STXBP4: variants seen among roughly 807,000 people sequenced by gnomAD.
STXBP4 encodes syntaxin-binding protein 4.
In STXBP4, 55 loss-of-function variants were observed where a neutral mutation model predicts 76.1. The observed-to-expected ratio is 0.72, with a 90% confidence interval of 0.58 to 0.91. STXBP4 has a LOEUF of 0.91. Ranked by LOEUF, STXBP4 falls within the 40% of genes least tolerant of loss-of-function variation. The pLI, the probability that STXBP4 is intolerant of heterozygous loss-of-function variation, is 0.00. For missense variants in STXBP4, 618 were observed against 636.9 expected (o/e 0.97, Z 0.32); for synonymous variants, 201 against 220.2 (o/e 0.91, Z 0.77).
rs926169070 is a variant in STXBP4, at chr17:55,160,707, C to G, written c.*796C>G. 6.6e-6 allele frequency: 1 copy of G among 152,506 alleles called. No individual in the cohort carries two copies. The highest frequency in any genetic ancestry group is 1.5e-5 in the Non-Finnish European group (1 of 68,206). 9.4% of individuals were successfully genotyped at this position (152,506 alleles called of 1,614,324 possible). A position where few individuals can be genotyped will look rare whatever the true frequency, so the allele number is the denominator to read the frequency against. ...TGTGTTGATGCAGCTGGCTCCACAG[C>G]TGTGCATTCCACAGAGATTCAGAAG... is the stretch of plus-strand genomic sequence containing the variant. On this transcript the variant is annotated 3_prime_UTR_variant, in exon 18 of 18. Coordinates refer to ENST00000376352, the MANE Select transcript of STXBP4 (RefSeq NM_178509.6).
intron 4 of STXBP4, among the ~76,000 whole-genome samples, chr17:54,994,759 A>G (rs1179345185): frequency 6.6e-6 from 1 of 150,520 alleles, no homozygotes; most frequent in Non-Finnish European, 1.5e-5. Context: ...CTCCATCACT[A>G]TGCTTCCAGA....
chr17:55,120,568 C>G (rs1157274800), intron 16 of STXBP4, among the ~76,000 whole-genome samples: 1 of 152,142 alleles, frequency 6.6e-6, no homozygotes, highest in Non-Finnish European at 1.5e-5. Flanking sequence ...TAGACCCATT[C>G]AAAAATATGA....
At chr17:55,119,289 G>T (rs2079817292) in intron 16 of STXBP4, among the ~76,000 whole-genome samples, 1 of 152,014 alleles carries the variant, frequency 6.6e-6, no homozygotes, top group South Asian at 2.1e-4. Context: ...TTAGTTATAT[G>T]AATATGCAAA....
At chr17:54,976,878 G>A (rs1371962676) in intron 1 of STXBP4, among the ~76,000 whole-genome samples, 1 of 152,108 alleles carries the variant, frequency 6.6e-6, no homozygotes, top group South Asian at 2.1e-4. Flanking sequence ...CAAAAAGGTT[G>A]GGGACTGCTG....
At chr17:55,126,560 A>T (rs1468697157) in intron 16 of STXBP4, among the ~76,000 whole-genome samples, 2 of 152,196 alleles carry the variant, frequency 1.3e-5, no homozygotes, top group East Asian at 3.8e-4. Context: ...AGGTGTAAGC[A>T]TTTGTGAAAA....
chr17:55,055,488 A>G (rs2078911852), intron 12 of STXBP4, among the ~76,000 whole-genome samples: 1 of 152,174 alleles, frequency 6.6e-6, no homozygotes, highest in South Asian at 2.1e-4. Context: ...GCTTCCTACC[A>G]GATCACGCTA....
chr17:55,116,523 G>T (rs545928692), intron 16 of STXBP4, among the ~76,000 whole-genome samples: 1 of 151,856 alleles, frequency 6.6e-6, no homozygotes, highest in South Asian at 2.1e-4. Context: ...CCAGATTAAA[G>T]ATTTCACAGA....
chr17:54,987,081 T>C (rs2077636998), intron 3 of STXBP4, among the ~76,000 whole-genome samples: 1 of 152,190 alleles, frequency 6.6e-6, no homozygotes, highest in Admixed American at 6.5e-5. Flanking sequence ...AAATGAAAAT[T>C]CAAGGAGTGG....
chr17:55,100,204 GGT>G (rs1365879982), intron 16 of STXBP4, among the ~76,000 whole-genome samples: 1 of 152,038 alleles, frequency 6.6e-6, no homozygotes, highest in African/African-American at 2.4e-5. Flanking sequence ...TACTAAAGAG[GGT>G]GTGATTGTTT....
intron 16 of STXBP4, among the ~76,000 whole-genome samples, chr17:55,137,261 C>A (rs868585818): frequency 4.0e-5 from 6 of 151,642 alleles, no homozygotes; most frequent in Non-Finnish European, 2.9e-5. Flanking sequence ...TATCTCCCCC[C>A]ACACCTCCAT....
chr17:55,017,773 A>C (rs2078234779), intron 8 of STXBP4, among the ~76,000 whole-genome samples: 1 of 152,164 alleles, frequency 6.6e-6, no homozygotes, highest in African/African-American at 2.4e-5. Context: ...GGTTCTAGGC[A>C]GACGAATGCT....
intron 12 of STXBP4, among the ~76,000 whole-genome samples, chr17:55,055,050 G>A (rs9889687): frequency 0.79 from 120,323 of 152,134 alleles, 48,217 homozygotes; most frequent in African/African-American, 0.91. Flanking sequence ...AGTGTTAATA[G>A]TACCTACCTT....
At chr17:55,025,173 G>A (rs1281906746) in intron 8 of STXBP4, among the ~76,000 whole-genome samples, 1 of 151,924 alleles carries the variant, frequency 6.6e-6, no homozygotes, top group East Asian at 1.9e-4. Context: ...TTAAAAAAAA[G>A]TAAGTTATAG....
chr17:55,148,001 T>C (rs2080175731), intron 17 of STXBP4, among the ~76,000 whole-genome samples: 1 of 152,166 alleles, frequency 6.6e-6, no homozygotes, highest in Non-Finnish European at 1.5e-5. Context: ...ACAGTAATGA[T>C]GCAACTATTA....
intron 16 of STXBP4, among the ~76,000 whole-genome samples, chr17:55,105,668 C>T (rs244378): frequency 0.15 from 23,242 of 150,822 alleles, 2,272 homozygotes; most frequent in Admixed American, 0.31. Context: ...TTAGTAGAGA[C>T]GGGGTTTCAC....
At chr17:55,091,598 A>G (rs1247016933) in intron 16 of STXBP4, among the ~76,000 whole-genome samples, 1 of 152,120 alleles carries the variant, frequency 6.6e-6, no homozygotes, top group Admixed American at 6.6e-5. Context: ...AAAAAAACTA[A>G]CAAAACAAAA....
chr17:55,056,285 A>G (rs2078922364), intron 12 of STXBP4, among the ~76,000 whole-genome samples: 1 of 152,136 alleles, frequency 6.6e-6, no homozygotes, highest in Non-Finnish European at 1.5e-5. Context: ...ACTTTTTTAT[A>G]CTGTATCTTT....
the STXBP4 span, among the ~76,000 whole-genome samples, chr17:55,201,390 G>A: frequency 6.6e-6 from 1 of 151,906 alleles, no homozygotes; most frequent in Non-Finnish European, 1.5e-5. Context: ...AGGAAGGAAG[G>A]AGAGGAGAGG....
intron 16 of STXBP4, among the ~76,000 whole-genome samples, chr17:55,138,108 T>G (rs1029964517): frequency 6.6e-6 from 1 of 152,110 alleles, no homozygotes; most frequent in Non-Finnish European, 1.5e-5. Context: ...TTCAACCTTT[T>G]TCTGTGCTAT....
Sources: allele counts gnomAD v4.1 joint callset (sites outside exome capture counted in the v4.1 genomes callset), GRCh38; gene constraint gnomAD v4.1.1; transcripts MANE v1.5; gene names NCBI Gene and HGNC (gene_info 2026-07-23, HGNC 2026-07-21).